The following ST8SIA1 variants were observed in gnomAD, a reference collection of about 807,000 sequenced individuals.
ST8SIA1 encodes the protein alpha-N-acetylneuraminide alpha-2,8-sialyltransferase.
In ST8SIA1, 16 loss-of-function variants were observed where a neutral mutation model predicts 35.9. The observed-to-expected ratio is 0.45, with a 90% CI of 0.30 to 0.68. The LOEUF is 0.68. ST8SIA1 is among the 30% of genes least tolerant of loss of function. ST8SIA1 has a pLI of 0.09. For missense variants in ST8SIA1, 383 were observed against 453.6 expected, an observed-to-expected ratio of 0.84 and a Z score of 1.41; for synonymous variants, 170 against 169.6, an observed-to-expected ratio of 1.00 and a Z score of -0.02.
intron 1 of ST8SIA1, among the ~76,000 whole-genome samples, chr12:22,298,690 G>T (rs1033486480): frequency 2.6e-5 from 4 of 152,150 alleles, no homozygotes; most frequent in African/African-American, 9.7e-5. Flanking sequence ...TACTTCCAGT[G>T]GGTCAACTCA....
intron 1 of ST8SIA1, among the ~76,000 whole-genome samples, chr12:22,330,284 T>C (rs2135849088): frequency 6.6e-6 from 1 of 152,360 alleles, no homozygotes; most frequent in Middle Eastern, 3.4e-3. Flanking sequence ...CTGGTGTTTC[T>C]ATTGTTATAA....
intron 4 of ST8SIA1, among the ~76,000 whole-genome samples, chr12:22,216,194 C>T (rs765470891): frequency 1.3e-5 from 2 of 152,164 alleles, no homozygotes; most frequent in Admixed American, 6.5e-5. Flanking sequence ...CGGTCTCTAA[C>T]GCATAATTCT....
chr12:22,301,494 A>G (rs1866318535), intron 1 of ST8SIA1, among the ~76,000 whole-genome samples: 1 of 152,134 alleles, frequency 6.6e-6, no homozygotes. Context: ...AATTTGGAGC[A>G]TATTTATTTC....
At chr12:22,207,441 A>C (rs1186256743) in intron 4 of ST8SIA1, among the ~76,000 whole-genome samples, 1 of 152,138 alleles carries the variant, frequency 6.6e-6, no homozygotes, top group African/African-American at 2.4e-5. Flanking sequence ...AATTTTAAGA[A>C]CTGTAATTAA....
intron 2 of ST8SIA1, among the ~76,000 whole-genome samples, chr12:22,256,742 A>G (rs755732432): frequency 1.2e-4 from 18 of 152,314 alleles, no homozygotes; most frequent in Non-Finnish European, 2.2e-4. Context: ...CTATGGAAAT[A>G]TTGTTGATAA....
At chr12:22,243,211 T>C (rs1236881296) in intron 4 of ST8SIA1, among the ~76,000 whole-genome samples, 1 of 152,212 alleles carries the variant, frequency 6.6e-6, no homozygotes, top group Non-Finnish European at 1.5e-5. Context: ...TCTGATAGAA[T>C]ATTTTTAGGA....
At chr12:22,205,178 C>T (rs1446269369) in intron 4 of ST8SIA1, among the ~76,000 whole-genome samples, 2 of 152,140 alleles carry the variant, frequency 1.3e-5, no homozygotes, top group Non-Finnish European at 2.9e-5. Context: ...AATAATTGCT[C>T]ATACTCTCTA....
At chr12:22,320,378 G>C (rs1318260610) in intron 1 of ST8SIA1, among the ~76,000 whole-genome samples, 1 of 152,164 alleles carries the variant, frequency 6.6e-6, no homozygotes, top group Non-Finnish European at 1.5e-5. Context: ...TTTTCTAAGA[G>C]GACCAGTCCT....
At chr12:22,249,466 C>T (rs756604303) in intron 3 of ST8SIA1, among the ~76,000 whole-genome samples, 3 of 152,184 alleles carry the variant, frequency 2.0e-5, no homozygotes, top group South Asian at 4.1e-4. Context: ...GTGATCTGCC[C>T]GCCTTGGCCT....
intron 2 of ST8SIA1, among the ~76,000 whole-genome samples, chr12:22,270,748 T>C (rs1373216243): frequency 6.6e-6 from 1 of 152,188 alleles, no homozygotes; most frequent in Non-Finnish European, 1.5e-5. Context: ...AGCCCTGACT[T>C]CACTGCTACG....
At chr12:22,272,500 G>A (rs1865922687) in intron 2 of ST8SIA1, among the ~76,000 whole-genome samples, 1 of 152,206 alleles carries the variant, frequency 6.6e-6, no homozygotes. Context: ...GAACTATATT[G>A]ACTGGCTTGT....
intron 3 of ST8SIA1, among the ~76,000 whole-genome samples, chr12:22,253,971 A>G (rs746557125): frequency 2.0e-5 from 3 of 152,170 alleles, no homozygotes; most frequent in Non-Finnish European, 4.4e-5. Context: ...CAGGGCTCAG[A>G]GGTGACTTAG....
chr12:22,322,685 A>G (rs1866616811), intron 1 of ST8SIA1, among the ~76,000 whole-genome samples: 1 of 152,198 alleles, frequency 6.6e-6, no homozygotes, highest in Non-Finnish European at 1.5e-5. Flanking sequence ...GAGTAGAAGG[A>G]CACAATACAG....
intron 1 of ST8SIA1, among the ~76,000 whole-genome samples, chr12:22,322,588 G>A (rs1445561053): frequency 6.6e-6 from 1 of 152,184 alleles, no homozygotes; most frequent in Admixed American, 6.5e-5. Flanking sequence ...CCAGGGACTT[G>A]AGACAGACAT....
chr12:22,303,649 TTTTG>T (rs1291303920), intron 1 of ST8SIA1, among the ~76,000 whole-genome samples: 1 of 152,208 alleles, frequency 6.6e-6, no homozygotes, highest in Admixed American at 6.5e-5. Flanking sequence ...CTTAACTGTT[TTTTG>T]TTTGTTTTGC....
intron 2 of ST8SIA1, among the ~76,000 whole-genome samples, chr12:22,279,282 A>C (rs1166728259): frequency 6.6e-6 from 1 of 152,198 alleles, no homozygotes; most frequent in Non-Finnish European, 1.5e-5. Flanking sequence ...GTATGGCTCT[A>C]GTAACTTGGT....
intron 2 of ST8SIA1, among the ~76,000 whole-genome samples, chr12:22,285,678 C>A (rs780827186): frequency 6.6e-6 from 1 of 152,038 alleles, no homozygotes; most frequent in Non-Finnish European, 1.5e-5. Context: ...TCGAGACCAG[C>A]CTGGCCAGCA....
chr12:22,197,199 G>A lies in ST8SIA1; in HGVS notation c.*4353C>T, dbSNP rs988008626. 2 of 152,154 alleles carry A rather than the reference G, an allele frequency of 1.3e-5. No individual in the cohort carries two copies. Among genetic ancestry groups the A allele is most frequent in the African/African-American group, 2.4e-5 (1 of 41,428 alleles). The allele number at this position is 152,154 out of a possible 1,614,324, so 9.4% of individuals were successfully genotyped here. A position where few individuals can be genotyped will look rare whatever the true frequency, so the allele number is the denominator to read the frequency against. ...ATATAACCTGAGAGTCGACCTATAC[G>A]ACGGGAAGATAAAGAAAAAGCACAA... On this transcript the variant is annotated 3_prime_UTR_variant, in exon 5 of 5. Coordinates refer to ENST00000396037, the MANE Select transcript of ST8SIA1 (RefSeq NM_003034.4).
At chr12:22,271,494 A>G (rs1177924673) in intron 2 of ST8SIA1, among the ~76,000 whole-genome samples, 1 of 152,166 alleles carries the variant, frequency 6.6e-6, no homozygotes, top group Non-Finnish European at 1.5e-5. Flanking sequence ...GCCACTTCCA[A>G]TGTACTTTGT....
Sources: gnomAD v4.1 joint callset for allele counts (sites outside exome capture counted in the v4.1 genomes callset) on GRCh38, gnomAD v4.1.1 for gene constraint, MANE v1.5 for transcripts, NCBI Gene and HGNC (gene_info 2026-07-23, HGNC 2026-07-21) for gene names.